BPIFB1: variants seen among roughly 807,000 people sequenced by gnomAD.
BPIFB1 encodes BPI fold-containing family B member 1.
Under a neutral mutation model 55.1 loss-of-function variants are expected in BPIFB1, and 34 were observed. That is an observed-to-expected ratio of 0.62 (90% CI 0.47 to 0.82). The LOEUF (loss-of-function observed/expected upper bound fraction) is 0.82. Among genes scored for constraint, BPIFB1 ranks in the 40% least tolerant of loss-of-function variants. BPIFB1 has a pLI of 0.00. For missense variants in BPIFB1, 532 were observed against 593.1 expected (o/e 0.90, Z 1.07); for synonymous variants, 236 against 245.3 (o/e 0.96, Z 0.35).
chr20:33,302,499 TGTTTCATTCCAGCA>T, intron 10 of BPIFB1, 87 bp downstream of exon 10: 2 of 1,430,776 alleles, frequency 1.4e-6, no homozygotes, highest in African/African-American at 2.8e-5. Flanking sequence ...GTGGGACTAG[TGTTTCATTCCAGCA>T]CTGGGACACT....
chr20:33,302,767 C>T (rs984446655), intron 10 of BPIFB1, 149 bp from the exon 11 acceptor site: 37 of 863,408 alleles, frequency 4.3e-5, no homozygotes, highest in Non-Finnish European at 6.0e-5. Flanking sequence ...AACAACACAA[C>T]ATTCAAGGAT....
intron 3 of BPIFB1, 133 bp downstream of exon 3, chr20:33,289,015 C>G (rs1980364168): frequency 9.3e-7 from 1 of 1,080,242 alleles, no homozygotes; most frequent in East Asian, 2.7e-5. Flanking sequence ...CAAACAAAGC[C>G]CCTCCGTCAA....
chr20:33,283,728 G>A (rs1389367050), intron 1 of BPIFB1, among the ~76,000 whole-genome samples: 2 of 152,222 alleles, frequency 1.3e-5, no homozygotes, highest in African/African-American at 4.8e-5. Context: ...TTGGGCAAAG[G>A]AGGAGAGAAA....
intron 4 of BPIFB1, 98 bp downstream of exon 4, chr20:33,290,090 T>C: frequency 1.0e-6 from 1 of 960,284 alleles, no homozygotes; most frequent in Non-Finnish European, 1.6e-6. Flanking sequence ...AAAAGAGAGT[T>C]CCGAGCAGAG....
At chr20:33,289,477 C>A (rs117461583) in intron 3 of BPIFB1, among the ~76,000 whole-genome samples, 1,738 of 151,630 alleles carry the variant, frequency 0.011, 17 homozygotes, top group Non-Finnish European at 0.019. Flanking sequence ...CTGGAGGTGA[C>A]AGTGGAGCCG....
intron 13 of BPIFB1, 35 bp downstream of exon 13, chr20:33,304,926 G>A: frequency 1.9e-6 from 3 of 1,608,988 alleles, no homozygotes; most frequent in Non-Finnish European, 2.6e-6. Context: ...AGGGCACAGG[G>A]GGTGGCCTGG....
intron 6 of BPIFB1, among the ~76,000 whole-genome samples, chr20:33,294,137 C>T (rs933476845): frequency 6.6e-6 from 1 of 151,806 alleles, no homozygotes; most frequent in African/African-American, 2.4e-5. Flanking sequence ...TTTTAATAGT[C>T]GAAATATCTA....
chr20:33,294,519 G>T (rs1980570719), intron 6 of BPIFB1, among the ~76,000 whole-genome samples: 1 of 152,036 alleles, frequency 6.6e-6, no homozygotes, highest in Admixed American at 6.5e-5. Context: ...CATAACATTG[G>T]AATTTTCTTA....
At chr20:33,293,372 C>T (rs1295048933) in intron 6 of BPIFB1, among the ~76,000 whole-genome samples, 3 of 152,170 alleles carry the variant, frequency 2.0e-5, no homozygotes, top group African/African-American at 7.2e-5. Context: ...TAAGAGGCTG[C>T]TCTTGGTGTC....
chr20:33,304,728 CA>C (rs1393863285), intron 12 of BPIFB1, 117 bp from the exon 13 acceptor site: 6 of 1,231,480 alleles, frequency 4.9e-6, no homozygotes, highest in Non-Finnish European at 7.1e-6. Context: ...TCATGTGGTT[CA>C]CTGGAGCCCG....
intron 2 of BPIFB1, among the ~76,000 whole-genome samples, chr20:33,287,769 T>G (rs749742481): frequency 6.6e-5 from 10 of 152,112 alleles, no homozygotes; most frequent in Non-Finnish European, 1.5e-4. Context: ...GGAAGCTGTC[T>G]CTGGGGAACT....
chr20:33,291,274 A>G (rs936356895), intron 5 of BPIFB1, among the ~76,000 whole-genome samples, 168 bp downstream of exon 5: 1 of 152,222 alleles, frequency 6.6e-6, no homozygotes, highest in African/African-American at 2.4e-5. Context: ...CTGTGATGCC[A>G]AGGGAAGTTC....
rs371071403 is a variant in BPIFB1, at chr20:33,286,088, G to A, written c.15G>A (p.Trp5Ter). Residue 5 changes from tryptophan to a stop codon, truncating the protein, a stop_gained, in exon 2 of 16, where the codon TGG (tryptophan) becomes TGA (stop). Coordinates refer to ENST00000253354, the MANE Select transcript of BPIFB1 (RefSeq NM_033197.3). LOFTEE classifies it high-confidence loss of function. MAGP[W>*]TFTLLCGLLA... is the part of the protein sequence containing the mutation. ...CACCTGGGAAGATGGCCGGCCCGTG[G>A]ACCTTCACCCTTCTCTGTGGTTTGC... 9.3e-6 allele frequency: 15 copies of A among 1,614,156 alleles called. No individual in the cohort carries two copies. The highest frequency in any genetic ancestry group is 1.2e-5 in the Non-Finnish European group (14 of 1,180,030).
intron 6 of BPIFB1, among the ~76,000 whole-genome samples, chr20:33,294,269 C>G (rs1980563131): frequency 6.6e-6 from 1 of 152,094 alleles, no homozygotes; most frequent in Admixed American, 6.5e-5. Context: ...CTACCTTTCT[C>G]CAGTACTTTT....
chr20:33,305,316 CTTTTTT>C (rs34490442), intron 13 of BPIFB1, among the ~76,000 whole-genome samples: 1 of 106,204 alleles, frequency 9.4e-6, no homozygotes, highest in African/African-American at 3.8e-5. Flanking sequence ...CTATTTTTGA[CTTTTTT>C]TTTTTTTTTT....
Position 33,309,803 on chromosome 20 carries a change from C to G in BPIFB1, c.*36C>G, listed in dbSNP as rs1281232387. On this transcript the variant is annotated 3_prime_UTR_variant, in exon 16 of 16. Coordinates refer to ENST00000253354, the MANE Select transcript of BPIFB1 (RefSeq NM_033197.3). This position sits in a 1 kb window ranked among gnomAD's most constrained non-coding sequence, Gnocchi z 4.4. Reference sequence around the variant, plus strand: ...GGCAGCCATCAGGGAAGGCTGGGTCCCAGCTGGGAGTATGGGTGTGAGCTC... The same window carrying G: ...GGCAGCCATCAGGGAAGGCTGGGTCGCAGCTGGGAGTATGGGTGTGAGCTC... 6.3e-7 allele frequency: 1 copy of G among 1,588,328 alleles called. No homozygotes were observed. Among genetic ancestry groups the G allele is most frequent in the African/African-American group, 1.3e-5 (1 of 74,200 alleles).
intron 3 of BPIFB1, among the ~76,000 whole-genome samples, chr20:33,289,486 C>A (rs1010859180): frequency 6.6e-6 from 1 of 151,890 alleles, no homozygotes; most frequent in Non-Finnish European, 1.5e-5. Context: ...ACAGTGGAGC[C>A]GATGACTCAA....
intron 11 of BPIFB1, among the ~76,000 whole-genome samples, chr20:33,303,697 T>C (rs1375961529): frequency 3.9e-5 from 6 of 152,162 alleles, no homozygotes; most frequent in Admixed American, 2.6e-4. Context: ...GCTCTATGAA[T>C]AGTGGCTGCT....
Position 33,309,239 on chromosome 20 carries a change from G to A in BPIFB1, c.1396-469G>A, listed in dbSNP as rs1299289413. Among the ~76,000 whole-genome samples the A allele has an allele frequency of 6.6e-6, 1 of 152,150 alleles. No homozygotes were observed. The highest frequency in any genetic ancestry group is 1.5e-5 in the Non-Finnish European group (1 of 68,024). On this transcript the variant is annotated intron_variant, in intron 15 of 15. Transcript: ENST00000253354. This position sits in a 1 kb window ranked among gnomAD's most constrained non-coding sequence, Gnocchi z 4.4. ...TCTGGGGCATCTCTCCCCCTCTAGA[G>A]TGGAGCCAAAACTTCAAGAAGGCAG...
Sources: allele counts gnomAD v4.1 joint callset (sites outside exome capture counted in the v4.1 genomes callset), GRCh38; gene constraint gnomAD v4.1.1; non-coding constraint Gnocchi (gnomAD v3.1); transcripts MANE v1.5; gene names NCBI Gene and HGNC (gene_info 2026-07-23, HGNC 2026-07-21).